TRIM54: variants seen among roughly 807,000 people sequenced by gnomAD.
The protein encoded by TRIM54 is tripartite motif-containing protein 54.
Under a neutral mutation model 42.0 loss-of-function variants are expected in TRIM54, and 40 were observed. The ratio of observed to expected loss-of-function variants is 0.95; its 90% CI spans 0.74 to 1.24. TRIM54 has a LOEUF of 1.24. TRIM54 is among the 50% of genes most tolerant of loss of function. The probability of loss-of-function intolerance (pLI) is 0.00; values close to 1 mark genes in which losing one functional copy is unlikely to be tolerated. For synonymous variants in TRIM54, 199 were observed against 194.9 expected (o/e 1.02, Z -0.17); for missense variants, 485 against 480.3 (o/e 1.01, Z -0.09).
At position 27,306,415 on chromosome 2, in the gene TRIM54, A is replaced by C. The variant is rs749909209; in HGVS notation, c.992-41A>C. ...GGGTGCGGCGGGCACGATGGCCGTA[A>C]AGGCAGGGACTCCACCTCACCAGGC... is the stretch of plus-strand genomic sequence containing the variant. On this transcript the variant is annotated intron_variant, in intron 7 of 8. Transcript: ENST00000380075. This position sits in a 1 kb window ranked among gnomAD's most constrained non-coding sequence, Gnocchi z 6.1. 1 of 1,610,934 alleles carries C rather than the reference A, an allele frequency of 6.2e-7. No homozygotes were observed. The highest frequency in any genetic ancestry group is 8.5e-7 in the Non-Finnish European group (1 of 1,178,558).
intron 1 of TRIM54, among the ~76,000 whole-genome samples, chr2:27,296,589 G>A (rs1037236023): frequency 1.1e-4 from 16 of 152,060 alleles, no homozygotes; most frequent in East Asian, 1.9e-4. Flanking sequence ...GAGCCATCCC[G>A]TCTTCTTTCC....
chr2:27,305,160 A>G (rs762809405), intron 4 of TRIM54, 106 bp downstream of exon 4: 140 of 1,010,656 alleles, frequency 1.4e-4, no homozygotes, highest in Non-Finnish European at 1.9e-4. Flanking sequence ...CTGGTCTGAA[A>G]GTTTCTGGGG....
Position 27,307,237 on chromosome 2 carries a change from T to C in TRIM54, c.*352T>C. The C allele has an allele frequency of 2.0e-6, 1 of 490,206 alleles. No homozygotes were observed. 30.4% of individuals were successfully genotyped at this position (490,206 alleles called of 1,614,324 possible). A position where few individuals can be genotyped will look rare whatever the true frequency, so the allele number is the denominator to read the frequency against. On this transcript the variant is annotated 3_prime_UTR_variant, in exon 9 of 9. Coordinates refer to ENST00000380075, the MANE Select transcript of TRIM54 (RefSeq NM_187841.3). The surrounding 1 kb of genome is among the most constrained non-coding windows in gnomAD (Gnocchi z 6.9). ...CCGGGACCTCTGAGGTCCTGGGGATTTGGGGACCCTTGGGGTCCACATGCA... is the reference window on the plus strand; with the variant it reads ...CCGGGACCTCTGAGGTCCTGGGGATCTGGGGACCCTTGGGGTCCACATGCA...
chr2:27,287,527 A>AT (rs141360941), intron 1 of TRIM54, among the ~76,000 whole-genome samples: 10,537 of 145,334 alleles, frequency 0.073, 920 homozygotes, highest in African/African-American at 0.21. Flanking sequence ...TTTTAAACTG[A>AT]TTTTTTTTTT....
At chr2:27,297,438 T>C (rs1184377903) in intron 1 of TRIM54, among the ~76,000 whole-genome samples, 4 of 152,168 alleles carry the variant, frequency 2.6e-5, no homozygotes, top group Non-Finnish European at 4.4e-5. Flanking sequence ...CCTTCTAGGA[T>C]AGGATGGAGC....
rs1171447696 is a variant in TRIM54 at position 27,307,238 on chromosome 2, T to G, written c.*353T>G. 1 of 496,606 alleles carries G rather than the reference T, an allele frequency of 2.0e-6. No homozygotes were observed. The highest frequency in any genetic ancestry group is 3.6e-6 in the Non-Finnish European group (1 of 279,590). 30.8% of individuals were successfully genotyped at this position (496,606 alleles called of 1,614,324 possible). ...CGGGACCTCTGAGGTCCTGGGGATT[T>G]GGGGACCCTTGGGGTCCACATGCAC... On this transcript the variant is annotated 3_prime_UTR_variant, in exon 9 of 9. Coordinates refer to ENST00000380075, the MANE Select transcript of TRIM54 (RefSeq NM_187841.3). The surrounding 1 kb of genome is among the most constrained non-coding windows in gnomAD (Gnocchi z 6.9).
At position 27,306,467 on chromosome 2, in the gene TRIM54, G is replaced by C. The variant is rs764431268; in HGVS notation, c.1003G>C (p.Glu335Gln). The change falls in exon 8 of 9, where the codon GAG becomes CAG. Residue 335 changes from glutamate (E) to glutamine (Q), a missense_variant. Transcript: ENST00000380075. This position sits in a 1 kb window ranked among gnomAD's most constrained non-coding sequence, Gnocchi z 6.1. ...TIDFQPGASG[E>Q]EEEVAPDGEE... is the part of the protein sequence containing the mutation. Reference sequence around the variant, plus strand: ...TTCCTTGGGCTCAGGCGCTTCCGGGGAGGAAGAGGAGGTGGCCCCAGACGG... The same window carrying C: ...TTCCTTGGGCTCAGGCGCTTCCGGGCAGGAAGAGGAGGTGGCCCCAGACGG... 1.3e-6 allele frequency: 2 copies of C among 1,593,880 alleles called. No homozygotes were observed. Among genetic ancestry groups the C allele is most frequent in the Admixed American group, 1.8e-5 (1 of 56,388 alleles).
intron 1 of TRIM54, among the ~76,000 whole-genome samples, chr2:27,294,381 A>G (rs1382612960): frequency 2.0e-5 from 3 of 151,938 alleles, no homozygotes; most frequent in African/African-American, 7.3e-5. Context: ...TTGACCTCCC[A>G]AAGTGTTGGG....
chr2:27,284,370 T>C (rs980765707), intron 1 of TRIM54, among the ~76,000 whole-genome samples: 1 of 152,164 alleles, frequency 6.6e-6, no homozygotes, highest in Admixed American at 6.5e-5. Context: ...TCCCACAATG[T>C]ACCCTGTGAC....
intron 1 of TRIM54, among the ~76,000 whole-genome samples, chr2:27,295,999 A>G (rs1301044952): frequency 6.6e-6 from 1 of 152,194 alleles, no homozygotes; most frequent in Non-Finnish European, 1.5e-5. Context: ...ATTATCTCAA[A>G]CTAATCTGCC....
Position 27,305,505 on chromosome 2 carries a change from TTC to T in TRIM54, c.610-75_610-74del. On this transcript the variant is annotated intron_variant, in intron 4 of 8. Transcript: ENST00000380075. The stretch of plus-strand genomic sequence containing the variant: ...ACGGATGGGTCACTTTCTGTGTTGG[TTC>T]TCTGTGAGTACCCTGTGCTTTCCCA... 18 of 1,233,028 alleles carry T rather than the reference TTC, an allele frequency of 1.5e-5. No individual in the cohort carries two copies. The South Asian group carries it at 2.6e-4, about 18-fold the overall frequency. 76.4% of individuals were successfully genotyped at this position (1,233,028 alleles called of 1,614,324 possible).
intron 1 of TRIM54, among the ~76,000 whole-genome samples, chr2:27,290,124 G>A (rs1316308658): frequency 3.3e-5 from 5 of 151,482 alleles, no homozygotes; most frequent in Non-Finnish European, 7.4e-5. Context: ...CACCCACCTC[G>A]GCCTTCCAAA....
At chr2:27,294,010 A>C (rs1678796006) in intron 1 of TRIM54, among the ~76,000 whole-genome samples, 1 of 152,180 alleles carries the variant, frequency 6.6e-6, no homozygotes. Context: ...CGACAGAGTG[A>C]GACTCTGTCT....
At chr2:27,300,777 G>GATC in intron 3 of TRIM54, among the ~76,000 whole-genome samples, 1 of 151,978 alleles carries the variant, frequency 6.6e-6, no homozygotes, top group Non-Finnish European at 1.5e-5. Context: ...GAGGTGGGAG[G>GATC]ATCACTTGAG....
At position 27,298,553 on chromosome 2, in the gene TRIM54, A is replaced by G. The variant is rs781344862; in HGVS notation, c.169-14A>G. ...CTCCCCGTGCCTGTTCTCTCAAGCC[A>G]TCTGTCCCTGCAGGCCTCGAATCCT... On this transcript the variant is annotated splice_polypyrimidine_tract_variant and intron_variant, in intron 1 of 8. Coordinates refer to ENST00000380075, the MANE Select transcript of TRIM54 (RefSeq NM_187841.3). 1.0e-5 allele frequency: 16 copies of G among 1,607,126 alleles called. No homozygotes were observed. Among genetic ancestry groups the G allele is most frequent in the East Asian group, 2.2e-5 (1 of 44,686 alleles).
chr2:27,289,353 G>A (rs1245504912), intron 1 of TRIM54, among the ~76,000 whole-genome samples: 1 of 152,186 alleles, frequency 6.6e-6, no homozygotes, highest in African/African-American at 2.4e-5. Context: ...GGGGGCTCTT[G>A]TTGCCAAGGC....
In TRIM54 at chr2:27,286,165, A is replaced by AT. The variant is rs57911234; in HGVS notation, c.168+3279dup. Among the ~76,000 whole-genome samples the AT allele has an allele frequency of 1.7e-3, 244 of 144,112 alleles. 1 individual carries two copies. Among genetic ancestry groups the AT allele is most frequent in the South Asian group, 5.1e-3 (23 of 4,554 alleles). 94.5% of individuals were successfully genotyped at this position (144,112 alleles called of 152,430 possible). ...ACAGTTATTTTTATTTTTGCATATT[A>AT]TTTTTTTTTTTTTGAGATGGTGTCA... On this transcript the variant is annotated intron_variant, in intron 1 of 8. Transcript: ENST00000380075.
intron 3 of TRIM54, among the ~76,000 whole-genome samples, chr2:27,302,006 T>C (rs1205717076): frequency 1.3e-5 from 2 of 152,030 alleles, no homozygotes; most frequent in Admixed American, 6.6e-5. Flanking sequence ...ATACAAAAAT[T>C]AGCCAGGTGT....
intron 1 of TRIM54, among the ~76,000 whole-genome samples, chr2:27,292,538 A>AT (rs903735672): frequency 3.3e-5 from 5 of 152,250 alleles, no homozygotes; most frequent in Admixed American, 2.6e-4. Context: ...GTCTCAAAAA[A>AT]TTTTTTTTAA....
Sources: allele counts gnomAD v4.1 joint callset (sites outside exome capture counted in the v4.1 genomes callset), GRCh38; gene constraint gnomAD v4.1.1; non-coding constraint Gnocchi (gnomAD v3.1); transcripts MANE v1.5; gene names NCBI Gene and HGNC (gene_info 2026-07-23, HGNC 2026-07-21).